NEK5: variants seen among roughly 807,000 people sequenced by gnomAD.
NEK5 encodes the protein serine/threonine-protein kinase Nek5.
NEK5 carries 88 observed loss-of-function variants against 109.2 expected under a neutral mutation model. The ratio of observed to expected loss-of-function variants is 0.81; its 90% CI spans 0.68 to 0.96. NEK5 has a LOEUF of 0.96. Ranked by LOEUF, NEK5 falls within the 40% of genes least tolerant of loss-of-function variation. NEK5 has a pLI of 0.00. For synonymous variants in NEK5, 283 were observed against 299.9 expected (o/e 0.94, Z 0.58); for missense variants, 834 against 920.7 (o/e 0.91, Z 1.22).
chr13:52,044,224 C>A (rs928941419), intron 23 of NEK5, among the ~76,000 whole-genome samples: 1 of 152,218 alleles, frequency 6.6e-6, no homozygotes, highest in African/African-American at 2.4e-5. Context: ...CCTCAGCCTG[C>A]AGATGGCCTA....
chr13:52,095,423 G>A (rs781501028), intron 12 of NEK5, among the ~76,000 whole-genome samples: 1 of 152,166 alleles, frequency 6.6e-6, no homozygotes, highest in East Asian at 1.9e-4. Flanking sequence ...AATATCAGAG[G>A]TAGTTCCTGT....
intron 23 of NEK5, among the ~76,000 whole-genome samples, chr13:52,046,826 A>C (rs536141091): frequency 6.6e-6 from 1 of 152,246 alleles, no homozygotes; most frequent in East Asian, 1.9e-4. Context: ...AAACAAAATA[A>C]AAGGCAAAAA....
rs1466438494 is a variant in NEK5 at position 52,064,649 on chromosome 13, G to T, written c.1975+835C>A. 9.4e-5 allele frequency: 22 copies of T among 234,488 alleles called. No individual in the cohort carries two copies. In the East Asian group the frequency reaches 2.3e-3, roughly 25 times the overall value. 14.5% of individuals were successfully genotyped at this position (234,488 alleles called of 1,614,324 possible). ...CCAACAGCTCATTGAGAACGGGCCGGGATGACAATGGCGGTTTTGTGGAAT... is the reference window on the plus strand; with the variant it reads ...CCAACAGCTCATTGAGAACGGGCCGTGATGACAATGGCGGTTTTGTGGAAT... On this transcript the variant is annotated intron_variant, in intron 21 of 23. Transcript: ENST00000684899.
chr13:52,075,250 AG>A (rs1367051523), intron 19 of NEK5, among the ~76,000 whole-genome samples: 2 of 152,216 alleles, frequency 1.3e-5, no homozygotes, highest in African/African-American at 4.8e-5. Context: ...GTCTGGATAA[AG>A]AAAATGTGGT....
Position 52,127,383 on chromosome 13 carries a change from C to T in NEK5, c.100G>A (p.Glu34Lys). 6.3e-7 allele frequency: 1 copy of T among 1,596,432 alleles called. No individual in the cohort carries two copies. The highest frequency in any genetic ancestry group is 1.3e-5 in the African/African-American group (1 of 74,690). Residue 34 changes from glutamate (E) to lysine (K), a missense_variant, in exon 3 of 24, where the codon GAG (glutamate) becomes AAG (lysine). Physicochemically the swap from Glu to Lys is moderately conservative, Grantham distance 56 (BLOSUM62 1). Coordinates refer to ENST00000684899, the MANE Select transcript of NEK5 (RefSeq NM_001365552.1). ...KSDSKHCVIKEINFEKMPIQE... is the reference protein window; with the variant it reads ...KSDSKHCVIKKINFEKMPIQE... The stretch of plus-strand genomic sequence containing the variant: ...AACTTTACCTTTTCAAAATTGATCT[C>T]TTTTATGACACAGTGCTTGCTATCT...
chr13:52,034,536 G>GTCTT lies in NEK5; in HGVS notation c.*2408_*2411dup, dbSNP rs1954340370. 7.0e-6 allele frequency: 1 copy of GTCTT among 143,224 alleles called. No individual in the cohort carries two copies. The highest frequency in any genetic ancestry group is 2.6e-5 in the African/African-American group (1 of 38,470). 8.9% of individuals were successfully genotyped at this position (143,224 alleles called of 1,614,324 possible). On this transcript the variant is annotated 3_prime_UTR_variant, in exon 24 of 24. Coordinates refer to ENST00000684899, the MANE Select transcript of NEK5 (RefSeq NM_001365552.1). ...TTTTTTTTTTTTTTTTTGAGACAGG[G>GTCTT]TCTTTCTTACTCTGTCACTCAAGGT...
intron 14 of NEK5, among the ~76,000 whole-genome samples, chr13:52,088,687 G>A (rs377397768): frequency 5.3e-5 from 8 of 152,138 alleles, no homozygotes; most frequent in African/African-American, 1.9e-4. Context: ...GGCTCAGATA[G>A]GCTGAATGAA....
Position 52,113,114 on chromosome 13 carries a change from G to A in NEK5, c.215-749C>T, listed in dbSNP as rs138712925. The stretch of plus-strand genomic sequence containing the variant: ...ATATTTTGGAGGACTCAGTAAAAGT[G>A]AGTAGTTTTTAAAAAAAATAGCTAT... On this transcript the variant is annotated intron_variant, in intron 4 of 23. Transcript: ENST00000684899. Among the ~76,000 whole-genome samples the A allele has an allele frequency of 2.5e-3, 373 of 151,638 alleles. 9 individuals are homozygous for A. Among genetic ancestry groups the A allele is most frequent in the Non-Finnish European group, 5.0e-4 (34 of 67,866 alleles).
intron 22 of NEK5, among the ~76,000 whole-genome samples, chr13:52,056,028 T>C (rs1429147706): frequency 1.3e-5 from 2 of 152,048 alleles, no homozygotes; most frequent in African/African-American, 4.8e-5. Flanking sequence ...TCAAGACCCA[T>C]CAGTGTGCTG....
chr13:52,085,059 T>A (rs1022387278), intron 16 of NEK5, among the ~76,000 whole-genome samples: 4 of 152,200 alleles, frequency 2.6e-5, no homozygotes, highest in Non-Finnish European at 4.4e-5. Flanking sequence ...TTTGGCTCTG[T>A]ATCCCCACCC....
rs534526014 is a variant in NEK5 at position 52,080,700 on chromosome 13, C to T, written c.1572+2560G>A. On this transcript the variant is annotated intron_variant, in intron 17 of 23. Coordinates refer to ENST00000684899, the MANE Select transcript of NEK5 (RefSeq NM_001365552.1). ...AACAGATGCTTGAAGGCAGCATGCT[C>T]GTTAAGAGTCATCACCACTCCCTAA... Among the ~76,000 whole-genome samples the T allele has an allele frequency of 5.1e-3, 770 of 152,012 alleles. 2 individuals carry two copies. Among genetic ancestry groups the T allele is most frequent in the South Asian group, 0.019 (89 of 4,808 alleles).
At chr13:52,076,860 G>A (rs949430438) in intron 17 of NEK5, among the ~76,000 whole-genome samples, 1 of 152,156 alleles carries the variant, frequency 6.6e-6, no homozygotes, top group Non-Finnish European at 1.5e-5. Context: ...CCCTCAAAAT[G>A]GGTTAGCACA....
chr13:52,067,337 G>A (rs535387567), intron 20 of NEK5, among the ~76,000 whole-genome samples: 2 of 152,280 alleles, frequency 1.3e-5, no homozygotes, highest in Admixed American at 1.3e-4. Context: ...AGTTAGGGCA[G>A]GTCCTCAGAA....
At chr13:52,049,882 A>G (rs1283492710) in intron 23 of NEK5, among the ~76,000 whole-genome samples, 3 of 152,198 alleles carry the variant, frequency 2.0e-5, no homozygotes, top group Non-Finnish European at 2.9e-5. Flanking sequence ...ACCAGGTATC[A>G]GGAGGTACAA....
intron 22 of NEK5, among the ~76,000 whole-genome samples, chr13:52,054,966 TGAGAG>T (rs1346945587): frequency 6.6e-6 from 1 of 152,212 alleles, no homozygotes; most frequent in African/African-American, 2.4e-5. Flanking sequence ...TTTGACAAGC[TGAGAG>T]AAGAAGGCTT....
In NEK5 at chr13:52,036,732, A is replaced by G; in HGVS notation, c.*216T>C. 6.2e-6 allele frequency: 1 copy of G among 160,236 alleles called. No individual in the cohort carries two copies. Among genetic ancestry groups the G allele is most frequent in the African/African-American group, 2.4e-5 (1 of 41,688 alleles). The allele number at this position is 160,236 out of a possible 1,614,324, so 9.9% of individuals were successfully genotyped here. On this transcript the variant is annotated 3_prime_UTR_variant, in exon 24 of 24. Transcript: ENST00000684899. ...CTGCCTGCCTTGGCCTCCCAAAGTG[A>G]TGAGACTGCCCGGCCTAAGATTTCT...
At chr13:52,118,145 GCA>G (rs1955897897) in intron 4 of NEK5, among the ~76,000 whole-genome samples, 1 of 152,174 alleles carries the variant, frequency 6.6e-6, no homozygotes, top group Non-Finnish European at 1.5e-5. Flanking sequence ...ACAGTGCTCT[GCA>G]CAGTTTACAT....
chr13:52,063,480 C>T (rs1370236574), intron 21 of NEK5, among the ~76,000 whole-genome samples: 1 of 152,202 alleles, frequency 6.6e-6, no homozygotes, highest in Admixed American at 6.5e-5. Flanking sequence ...ATTGCAGCCT[C>T]TGCCCGGCCG....
chr13:52,060,363 G>T lies in NEK5; in HGVS notation c.2110+1456C>A, dbSNP rs540104629. On this transcript the variant is annotated intron_variant, in intron 22 of 23. Coordinates refer to ENST00000684899, the MANE Select transcript of NEK5 (RefSeq NM_001365552.1). ...TAATTAACTTTGTAAACTTTTTTTT[G>T]TTTTTTTTTAGACAAAGTCCCACTC... Among the ~76,000 whole-genome samples the T allele has an allele frequency of 1.4e-3, 212 of 150,264 alleles. 1 individual carries two copies. The East Asian group carries it at 0.034, about 24-fold the overall frequency.
Sources: gnomAD v4.1 joint callset for allele counts (sites outside exome capture counted in the v4.1 genomes callset) on GRCh38, gnomAD v4.1.1 for gene constraint, MANE v1.5 for transcripts, NCBI Gene and HGNC (gene_info 2026-07-23, HGNC 2026-07-21) for gene names.